The following CSMD1 variants were observed in gnomAD, a reference collection of about 807,000 sequenced individuals.
CSMD1 encodes the protein CUB and sushi domain-containing protein 1.
A neutral mutation model predicts 417.5 loss-of-function variants in CSMD1; 213 were observed. The ratio of observed to expected loss-of-function variants is 0.51; its 90% CI spans 0.46 to 0.57. The LOEUF is 0.57. Among genes scored for constraint, CSMD1 ranks in the 20% least tolerant of loss-of-function variants. CSMD1 has a pLI of 0.00. For synonymous variants in CSMD1, 2,862 were observed against 1,736.8 expected (o/e 1.65, Z -16.11); for missense variants, 6,923 against 4,529.7 (o/e 1.53, Z -15.17).
chr8:3,465,893 G>T (rs965127111), intron 12 of CSMD1, among the ~76,000 whole-genome samples: 6 of 152,096 alleles, frequency 3.9e-5, no homozygotes, highest in African/African-American at 1.4e-4. Context: ...AAAATTTCTG[G>T]GGAAACTATG....
intron 3 of CSMD1, among the ~76,000 whole-genome samples, chr8:4,326,322 T>C (rs1248122385): frequency 6.6e-6 from 1 of 152,104 alleles, no homozygotes; most frequent in Admixed American, 6.6e-5. Flanking sequence ...CCTTTGAAAA[T>C]ACAGGGCTTG....
chr8:4,228,369 C>T lies in CSMD1; in HGVS notation c.415+191584G>A, dbSNP rs187960442. ...TCCCATTTTCCTTTCCAGTTTTCCTCTGAAACCGCTCATGTCAAGGTTATC... is the reference window on the plus strand; with the variant it reads ...TCCCATTTTCCTTTCCAGTTTTCCTTTGAAACCGCTCATGTCAAGGTTATC... On this transcript the variant is annotated intron_variant, in intron 3 of 69. Coordinates refer to ENST00000635120, the MANE Select transcript of CSMD1 (RefSeq NM_033225.6). Among the ~76,000 whole-genome samples the T allele has an allele frequency of 2.0e-5, 3 of 152,240 alleles. No homozygotes were observed. The East Asian group carries it at 5.8e-4, about 29-fold the overall frequency.
chr8:3,054,018 A>T (rs1812049227), intron 49 of CSMD1, among the ~76,000 whole-genome samples: 1 of 152,212 alleles, frequency 6.6e-6, no homozygotes, highest in Admixed American at 6.5e-5. Flanking sequence ...AATTCTACAT[A>T]TAAAGAAAAT....
intron 5 of CSMD1, among the ~76,000 whole-genome samples, chr8:3,969,394 C>T (rs1455762731): frequency 6.6e-6 from 1 of 152,186 alleles, no homozygotes; most frequent in Non-Finnish European, 1.5e-5. Context: ...GCTCCAATCT[C>T]TCACTTATAC....
chr8:3,998,922 C>T (rs1000567921), intron 4 of CSMD1, among the ~76,000 whole-genome samples: 21 of 148,410 alleles, frequency 1.4e-4, no homozygotes, highest in African/African-American at 5.2e-4. Context: ...AAATAACAAA[C>T]TATATAGTAG....
intron 1 of CSMD1, among the ~76,000 whole-genome samples, chr8:4,735,925 T>C (rs1810204485): frequency 6.6e-6 from 1 of 152,156 alleles, no homozygotes; most frequent in Admixed American, 6.6e-5. Flanking sequence ...AGGTAATAAG[T>C]AGCCACCGGT....
intron 2 of CSMD1, among the ~76,000 whole-genome samples, chr8:4,496,831 AG>A (rs1802002702): frequency 6.6e-6 from 1 of 152,186 alleles, no homozygotes; most frequent in East Asian, 1.9e-4. Flanking sequence ...ATCAAGGTTT[AG>A]AAAAATGAGT....
intron 1 of CSMD1, among the ~76,000 whole-genome samples, chr8:4,829,670 G>T (rs913612466): frequency 1.0e-4 from 15 of 150,638 alleles, no homozygotes; most frequent in African/African-American, 3.7e-4. Flanking sequence ...AATCCAGGAT[G>T]TGGGAGCTTC....
chr8:3,015,496 T>C (rs1808756394), intron 52 of CSMD1, among the ~76,000 whole-genome samples: 1 of 151,986 alleles, frequency 6.6e-6, no homozygotes, highest in African/African-American at 2.4e-5. Flanking sequence ...TCAGAATATA[T>C]ATATATATTT....
chr8:3,375,500 C>T (rs1051786388), intron 18 of CSMD1, among the ~76,000 whole-genome samples: 2 of 152,102 alleles, frequency 1.3e-5, no homozygotes, highest in South Asian at 2.1e-4. Flanking sequence ...TTCATAGACT[C>T]TCCATGCCCT....
At chr8:4,925,807 A>G (rs907414670) in intron 1 of CSMD1, among the ~76,000 whole-genome samples, 8 of 152,150 alleles carry the variant, frequency 5.3e-5, no homozygotes, top group African/African-American at 1.7e-4. Context: ...TCGGCCTCCC[A>G]AAGTGTTGGG....
At chr8:4,422,197 C>T (rs751619141) in intron 2 of CSMD1, among the ~76,000 whole-genome samples, 2 of 152,104 alleles carry the variant, frequency 1.3e-5, no homozygotes, top group East Asian at 3.9e-4. Flanking sequence ...ATAATTAACA[C>T]CAGTCGTACA....
intron 3 of CSMD1, among the ~76,000 whole-genome samples, chr8:4,413,343 C>G (rs181700496): frequency 3.9e-5 from 6 of 152,092 alleles, no homozygotes; most frequent in Non-Finnish European, 7.4e-5. Context: ...CAAACCAATT[C>G]TATCATTCAT....
intron 5 of CSMD1, among the ~76,000 whole-genome samples, chr8:3,968,262 C>T (rs1005319639): frequency 6.6e-6 from 1 of 151,854 alleles, no homozygotes; most frequent in Non-Finnish European, 1.5e-5. Flanking sequence ...CTTTGTTTTC[C>T]AGGTATAGGT....
At chr8:4,011,654 C>T (rs564518336) in intron 4 of CSMD1, among the ~76,000 whole-genome samples, 1 of 152,138 alleles carries the variant, frequency 6.6e-6, no homozygotes, top group Non-Finnish European at 1.5e-5. Flanking sequence ...CTTTTCATTC[C>T]TACACTTCCT....
In CSMD1 at chr8:3,575,112, G is replaced by T. The variant is rs147267447; in HGVS notation, c.1223-46C>A. ...CGTTATTTTCTACAACATTGTGTCA[G>T]TTTGGTAAAGACATAACATTTATGG... On this transcript the variant is annotated intron_variant, in intron 9 of 69. Coordinates refer to ENST00000635120, the MANE Select transcript of CSMD1 (RefSeq NM_033225.6). 798 of 1,584,532 alleles carry T rather than the reference G, an allele frequency of 5.0e-4. 3 individuals carry two copies. The African/African-American group carries it at 9.6e-3, about 19-fold the overall frequency.
At position 3,972,673 on chromosome 8, in the gene CSMD1, C is replaced by G. The variant is rs144925689; in HGVS notation, c.818+25230G>C. Among the ~76,000 whole-genome samples, 41 of 152,272 alleles carry G rather than the reference C, an allele frequency of 2.7e-4. No individual in the cohort carries two copies. The East Asian group carries it at 6.4e-3, about 24-fold the overall frequency. On this transcript the variant is annotated intron_variant, in intron 5 of 69. Transcript: ENST00000635120. The stretch of plus-strand genomic sequence containing the variant: ...AGTAAGAATAGTAACAGATTATGAC[C>G]AGTGTTAGCATGGATATTGCAAATA...
chr8:4,567,437 C>A (rs559080091), intron 2 of CSMD1, among the ~76,000 whole-genome samples: 3 of 152,110 alleles, frequency 2.0e-5, no homozygotes, highest in Non-Finnish European at 4.4e-5. Flanking sequence ...CATTTTTTTC[C>A]TACCTCGTCT....
At chr8:4,471,131 T>C (rs1373407468) in intron 2 of CSMD1, among the ~76,000 whole-genome samples, 3 of 152,348 alleles carry the variant, frequency 2.0e-5, no homozygotes, top group South Asian at 4.1e-4. Flanking sequence ...AAAATTATCC[T>C]TCAACAGAAC....
Sources: gnomAD v4.1 joint callset for allele counts (sites outside exome capture counted in the v4.1 genomes callset) on GRCh38, gnomAD v4.1.1 for gene constraint, MANE v1.5 for transcripts, NCBI Gene and HGNC (gene_info 2026-07-23, HGNC 2026-07-21) for gene names.